The following SATL1 variants were observed in gnomAD, a reference collection of about 807,000 sequenced individuals.
SATL1 encodes spermidine/spermine N1-acetyl transferase like 1.
A neutral mutation model predicts 51.8 loss-of-function variants in SATL1; 47 were observed. That is an observed-to-expected ratio of 0.91 (90% CI 0.72 to 1.16). SATL1 has a LOEUF of 1.16. Among genes scored for constraint, SATL1 ranks in the 50% most tolerant of loss-of-function variants. The probability of loss-of-function intolerance (pLI) is 0.00; values close to 1 mark genes in which losing one functional copy is unlikely to be tolerated. For missense variants in SATL1, 520 were observed against 526.4 expected, an observed-to-expected ratio of 0.99 and a Z score of 0.12; for synonymous variants, 176 against 182.4, an observed-to-expected ratio of 0.97 and a Z score of 0.28.
intron 2 of SATL1, among the ~76,000 whole-genome samples, chrX:85,130,844 A>G (rs1220743996): frequency 2.7e-5 from 3 of 111,476 alleles, no homozygotes; most frequent in Non-Finnish European, 5.7e-5. Flanking sequence ...CTGCTACATT[A>G]TGTCTTTGTT....
intron 1 of SATL1, among the ~76,000 whole-genome samples, chrX:85,241,327 T>G (rs1928589786): frequency 9.0e-6 from 1 of 110,963 alleles, no homozygotes. Flanking sequence ...TGTTGGGTAC[T>G]ATGTTCACTA....
Position 85,108,735 on chromosome X carries a change from G to A in SATL1, c.234C>T (p.Asp78=). 1 of 1,207,858 alleles carries A rather than the reference G, an allele frequency of 8.3e-7. No homozygotes were observed. Among genetic ancestry groups the A allele is most frequent in the Non-Finnish European group, 1.1e-6 (1 of 893,313 alleles). ...GTTGGCTCCTACCTAATTGCCATGT[G>A]TCTGGTTGTTTCATGTCGGGTTGGT... ...DINQPDMKQP[D]TWQLGRSQPG... Residue 78 remains aspartate (D), a synonymous_variant, in exon 3 of 8, where the codon GAC becomes GAT. Coordinates refer to ENST00000644105, the MANE Select transcript of SATL1 (RefSeq NM_001367857.2).
intron 2 of SATL1, among the ~76,000 whole-genome samples, chrX:85,131,382 A>C (rs1253634985): frequency 9.0e-6 from 1 of 111,412 alleles, no homozygotes; most frequent in Non-Finnish European, 1.9e-5. Context: ...TGTTGAATTG[A>C]TCCCTTTACC....
At chrX:85,134,122 A>G (rs1361568228) in intron 2 of SATL1, among the ~76,000 whole-genome samples, 1 of 111,234 alleles carries the variant, frequency 9.0e-6, no homozygotes, top group Non-Finnish European at 1.9e-5. Flanking sequence ...TTCAATAATA[A>G]CATAAAGCAT....
intron 3 of SATL1, among the ~76,000 whole-genome samples, chrX:85,106,678 T>C (rs1279099222): frequency 8.9e-6 from 1 of 111,762 alleles, no homozygotes; most frequent in Non-Finnish European, 1.9e-5. Flanking sequence ...CTTGTCCCTT[T>C]AATTAACTGG....
intron 2 of SATL1, among the ~76,000 whole-genome samples, chrX:85,111,158 T>C (rs1394733663): frequency 8.8e-6 from 1 of 113,119 alleles, no homozygotes; most frequent in Non-Finnish European, 1.9e-5. Flanking sequence ...TTTACTTTCT[T>C]AGAGGAAGAG....
chrX:85,094,341 C>T, intron 5 of SATL1, 112 bp from the exon 6 acceptor site: 1 of 462,233 alleles, frequency 2.2e-6, no homozygotes, highest in Non-Finnish European at 3.9e-6. Context: ...AATAAATGCT[C>T]ACTGGAAAAA....
intron 2 of SATL1, among the ~76,000 whole-genome samples, chrX:85,150,457 T>A (rs761237501): frequency 1.3e-3 from 140 of 108,128 alleles, no homozygotes; most frequent in African/African-American, 4.6e-3. Flanking sequence ...CCTCCCTAAC[T>A]CATTTTATGA....
At chrX:85,126,813 C>G (rs1294823444) in intron 2 of SATL1, among the ~76,000 whole-genome samples, 5 of 109,397 alleles carry the variant, frequency 4.6e-5, no homozygotes, top group African/African-American at 1.0e-4. Context: ...AAACGATGGC[C>G]TTTATTCCTT....
At chrX:85,173,880 G>A (rs1346815796) in intron 2 of SATL1, among the ~76,000 whole-genome samples, 2 of 107,582 alleles carry the variant, frequency 1.9e-5, no homozygotes, top group South Asian at 4.3e-4. Flanking sequence ...CCATTAACTC[G>A]TCATTTACAT....
chrX:85,194,389 T>A (rs1189787298), intron 2 of SATL1, among the ~76,000 whole-genome samples: 1 of 111,492 alleles, frequency 9.0e-6, no homozygotes, highest in Non-Finnish European at 1.9e-5. Context: ...AGACACCAGT[T>A]ACGGTCAAAG....
Position 85,095,623 on chromosome X carries a change from G to A in SATL1, c.1694-627C>T, listed in dbSNP as rs1188220098. Among the ~76,000 whole-genome samples the A allele has an allele frequency of 2.8e-5, 3 of 107,110 alleles. No individual in the cohort carries two copies. The Admixed American group carries it at 3.0e-4, about 11-fold the overall frequency. The allele number at this position is 107,110 out of a possible 115,157, so 93.0% of individuals were successfully genotyped here. A position where few individuals can be genotyped will look rare whatever the true frequency, so the allele number is the denominator to read the frequency against. ...GGGCGGATCACGAGGTCAGGAGATC[G>A]AGACCATCCCGGCTAAAACGGTGAA... On this transcript the variant is annotated intron_variant, in intron 4 of 7. Transcript: ENST00000644105.
intron 1 of SATL1, among the ~76,000 whole-genome samples, chrX:85,226,873 A>G: frequency 9.0e-6 from 1 of 111,119 alleles, no homozygotes; most frequent in Non-Finnish European, 1.9e-5. Flanking sequence ...TTCAACCTTT[A>G]TAAGATATGC....
chrX:85,201,498 T>G (rs1027547266), intron 2 of SATL1, among the ~76,000 whole-genome samples: 1 of 111,099 alleles, frequency 9.0e-6, no homozygotes, highest in East Asian at 2.8e-4. Context: ...GGGGTACATG[T>G]GAAGGTTGGT....
intron 2 of SATL1, among the ~76,000 whole-genome samples, chrX:85,177,452 A>G (rs1310328191): frequency 9.0e-6 from 1 of 111,235 alleles, no homozygotes; most frequent in Non-Finnish European, 1.9e-5. Context: ...CTTTGCTGGG[A>G]TGTGTGGGAA....
At chrX:85,167,062 C>T (rs957041145) in intron 2 of SATL1, among the ~76,000 whole-genome samples, 1 of 105,019 alleles carries the variant, frequency 9.5e-6, no homozygotes, top group Non-Finnish European at 1.9e-5. Flanking sequence ...TACTACTCAG[C>T]CATAAAAAGG....
At chrX:85,203,249 G>A (rs1927722737) in intron 2 of SATL1, among the ~76,000 whole-genome samples, 1 of 111,530 alleles carries the variant, frequency 9.0e-6, no homozygotes, top group Non-Finnish European at 1.9e-5. Flanking sequence ...CCTTCAGGAA[G>A]CGGCTGGAGA....
At chrX:85,240,482 T>G (rs1928569251) in intron 1 of SATL1, among the ~76,000 whole-genome samples, 1 of 111,893 alleles carries the variant, frequency 8.9e-6, no homozygotes, top group Admixed American at 9.5e-5. Flanking sequence ...TTTTCCTACA[T>G]TTACTAACTG....
At chrX:85,106,760 G>C (rs1925053042) in intron 3 of SATL1, among the ~76,000 whole-genome samples, 1 of 111,709 alleles carries the variant, frequency 9.0e-6, no homozygotes, top group African/African-American at 3.3e-5. Flanking sequence ...TTGGCTCCTG[G>C]GGGCTGTCTG....
Sources: allele counts gnomAD v4.1 joint callset (sites outside exome capture counted in the v4.1 genomes callset), GRCh38; gene constraint gnomAD v4.1.1; transcripts MANE v1.5; gene names NCBI Gene and HGNC (gene_info 2026-07-23, HGNC 2026-07-21).